UNC80: variants seen among roughly 807,000 people sequenced by gnomAD.
The protein encoded by UNC80 is unc-80 subunit of NALCN channel complex.
In UNC80, 164 loss-of-function variants were observed where a neutral mutation model predicts 384.6. That is an observed-to-expected ratio of 0.43 (90% CI 0.38 to 0.49). The LOEUF (loss-of-function observed/expected upper bound fraction) is 0.49. Among genes scored for constraint, UNC80 ranks in the 20% least tolerant of loss-of-function variants. The probability of loss-of-function intolerance (pLI) is 0.00; values close to 1 mark genes in which losing one functional copy is unlikely to be tolerated. For missense variants in UNC80, 3,330 were observed against 4,143.0 expected (o/e 0.80, Z 5.39); for synonymous variants, 1,486 against 1,527.8 (o/e 0.97, Z 0.64).
chr2:209,943,435 G>T lies in UNC80; in HGVS notation c.6971G>T (p.Cys2324Phe). Residue 2324 changes from cysteine (C) to phenylalanine (F), a missense_variant, in exon 45 of 65, where the codon TGT becomes TTT. Physicochemically the swap from Cys to Phe is radical, Grantham distance 205. This residue lies in a region of UNC80 where 1,049 missense variants were observed against 1,488.6 expected (regional missense o/e 0.70). Coordinates refer to ENST00000673920, the MANE Select transcript of UNC80 (RefSeq NM_001371986.1). Reference protein sequence around the residue: ...PQLRQAIEFACHQFYILHRKP... With the variant: ...PQLRQAIEFAFHQFYILHRKP... ...CTGCGTCAAGCCATCGAATTTGCCT[G>T]TCACCAGTTCTATATTCTACACCGG... The T allele has an allele frequency of 1.3e-6, 2 of 1,552,128 alleles. No homozygotes were observed. The highest frequency in any genetic ancestry group is 1.7e-6 in the Non-Finnish European group (2 of 1,147,070).
chr2:209,777,869 G>A (rs1304193589), intron 4 of UNC80, among the ~76,000 whole-genome samples: 1 of 152,152 alleles, frequency 6.6e-6, no homozygotes, highest in Admixed American at 6.5e-5. Context: ...TTTATAGACT[G>A]TTGGTCCCTA....
chr2:209,835,496 T>C lies in UNC80; in HGVS notation c.3041+486T>C, dbSNP rs182128632. Among the ~76,000 whole-genome samples the C allele has an allele frequency of 7.0e-3, 1,063 of 152,348 alleles. 3 individuals carry two copies. The highest frequency in any genetic ancestry group is 0.01 in the Non-Finnish European group (705 of 68,030). On this transcript the variant is annotated intron_variant, in intron 18 of 64. Transcript: ENST00000673920. ...TACCTTGGTCCTCTCTTGAGATCCATTCCAGTGTCCTCCGACATCAGTTAA... is the reference window on the plus strand; with the variant it reads ...TACCTTGGTCCTCTCTTGAGATCCACTCCAGTGTCCTCCGACATCAGTTAA...
chr2:209,894,484 A>G (rs2124916046), intron 27 of UNC80, 118 bp downstream of exon 27: 1 of 493,094 alleles, frequency 2.0e-6, no homozygotes, highest in Non-Finnish European at 2.6e-6. Context: ...GAGCCATAGG[A>G]TAGACAACCT....
chr2:209,896,495 A>C (rs1274534377), intron 28 of UNC80, 82 bp downstream of exon 28: 1 of 1,131,972 alleles, frequency 8.8e-7, no homozygotes, highest in Non-Finnish European at 1.3e-6. Flanking sequence ...ACAAGAGATT[A>C]TACTAAATCA....
At chr2:209,862,227 A>G (rs543858627) in intron 22 of UNC80, among the ~76,000 whole-genome samples, 6 of 152,314 alleles carry the variant, frequency 3.9e-5, no homozygotes, top group African/African-American at 1.4e-4. Context: ...ATATTCTGGT[A>G]CATTGTCTCT....
rs1280225364 is a variant in UNC80, at chr2:209,972,231, G to A, written c.8287G>A (p.Val2763Met). 3.2e-6 allele frequency: 5 copies of A among 1,551,380 alleles called. No homozygotes were observed. The highest frequency in any genetic ancestry group is 4.4e-6 in the Non-Finnish European group (5 of 1,146,856). The change falls in exon 55 of 65, where the codon GTG (valine) becomes ATG (methionine). Residue 2763 changes from valine to methionine, a missense_variant. Around this residue, in one of 8 missense-constraint regions of UNC80, gnomAD observed 1,049 missense variants for 1,488.6 expected, o/e 0.70. Coordinates refer to ENST00000673920, the MANE Select transcript of UNC80 (RefSeq NM_001371986.1). Reference protein sequence around the residue: ...ALKEDFPLSHVISPFTNQERR... With the variant: ...ALKEDFPLSHMISPFTNQERR... ...AAAAGAAGATTTTCCTTTAAGCCATGTGATCTCCCCATTCACCAATCAAGA... is the reference window on the plus strand; with the variant it reads ...AAAAGAAGATTTTCCTTTAAGCCATATGATCTCCCCATTCACCAATCAAGA...
At chr2:209,986,131 C>T (rs774102607) in intron 61 of UNC80, among the ~76,000 whole-genome samples, 36 of 152,256 alleles carry the variant, frequency 2.4e-4, no homozygotes, top group Non-Finnish European at 3.8e-4. Context: ...AAGAGGGCTT[C>T]CCTTTATTCA....
intron 49 of UNC80, among the ~76,000 whole-genome samples, chr2:209,958,344 G>C (rs1156817339): frequency 6.6e-6 from 1 of 152,084 alleles, no homozygotes; most frequent in East Asian, 1.9e-4. Context: ...ATTTAAGATA[G>C]GGCAAACCCA....
chr2:209,904,593 C>G (rs145934306), intron 28 of UNC80, among the ~76,000 whole-genome samples, 172 bp from the exon 29 acceptor site: 1 of 152,154 alleles, frequency 6.6e-6, no homozygotes, highest in African/African-American at 2.4e-5. Context: ...GAACAAAAGG[C>G]CATGTGGATA....
At chr2:209,980,116 C>T (rs1006507963) in intron 59 of UNC80, among the ~76,000 whole-genome samples, 1 of 151,930 alleles carries the variant, frequency 6.6e-6, no homozygotes, top group Non-Finnish European at 1.5e-5. Context: ...TGAAAATACA[C>T]CTAAAGTTGT....
chr2:209,927,205 A>G (rs914401245), intron 36 of UNC80, among the ~76,000 whole-genome samples: 3 of 152,180 alleles, frequency 2.0e-5, no homozygotes, highest in African/African-American at 7.2e-5. Flanking sequence ...CATTTAAAAT[A>G]GGTAATTGGG....
rs1382559797 is a variant in UNC80 at position 209,972,921 on chromosome 2, G to A, written c.8381-143G>A. The A allele has an allele frequency of 8.5e-6, 6 of 708,984 alleles. No homozygotes were observed. The Admixed American group carries it at 1.7e-4, about 20-fold the overall frequency. The allele number at this position is 708,984 out of a possible 1,614,324, so 43.9% of individuals were successfully genotyped here. ...AACACTGTTTCTGTCCATTGGTGAA[G>A]CTGTACTTGATGGGAAACACCTGAA... On this transcript the variant is annotated intron_variant, in intron 55 of 64. Coordinates refer to ENST00000673920, the MANE Select transcript of UNC80 (RefSeq NM_001371986.1).
At chr2:209,826,657 T>C (rs2080545009) in intron 14 of UNC80, among the ~76,000 whole-genome samples, 1 of 152,210 alleles carries the variant, frequency 6.6e-6, no homozygotes, top group South Asian at 2.1e-4. Context: ...AACGTAATTC[T>C]GTACTGGAAA....
At chr2:209,987,228 G>A (rs2093307454) in intron 61 of UNC80, among the ~76,000 whole-genome samples, 1 of 152,060 alleles carries the variant, frequency 6.6e-6, no homozygotes, top group African/African-American at 2.4e-5. Flanking sequence ...GGCTAAATAA[G>A]GAAGAGACCA....
chr2:209,959,860 C>T (rs888332979), intron 51 of UNC80, among the ~76,000 whole-genome samples, 153 bp downstream of exon 51: 1 of 152,082 alleles, frequency 6.6e-6, no homozygotes, highest in African/African-American at 2.4e-5. Flanking sequence ...CATACAGAAC[C>T]CTCTGCTAAA....
intron 29 of UNC80, 46 bp downstream of exon 29, chr2:209,905,011 T>C (rs140978190): frequency 2.0e-6 from 3 of 1,535,358 alleles, no homozygotes; most frequent in East Asian, 4.9e-5. Flanking sequence ...AGAAACATGA[T>C]GTCATAACAA....
chr2:209,893,872 T>C (rs1290940503), intron 26 of UNC80, among the ~76,000 whole-genome samples: 1 of 152,212 alleles, frequency 6.6e-6, no homozygotes, highest in Non-Finnish European at 1.5e-5. Flanking sequence ...AAAAGTGTAC[T>C]AATAGTCCTA....
intron 31 of UNC80, among the ~76,000 whole-genome samples, 164 bp downstream of exon 31, chr2:209,914,104 C>A (rs193168391): frequency 6.6e-6 from 1 of 152,226 alleles, no homozygotes; most frequent in East Asian, 1.9e-4. Flanking sequence ...GAAGGTAGAC[C>A]CAGGGTTTGT....
At chr2:209,922,196 A>C in intron 34 of UNC80, 56 bp from the exon 35 acceptor site, 2 of 1,537,940 alleles carry the variant, frequency 1.3e-6, no homozygotes, top group Non-Finnish European at 1.8e-6. Flanking sequence ...ACAATGTGAT[A>C]ATAATAACTC....
Sources: allele counts gnomAD v4.1 joint callset (sites outside exome capture counted in the v4.1 genomes callset), GRCh38; gene constraint gnomAD v4.1.1; regional missense constraint gnomAD v4.1.1; transcripts MANE v1.5; gene names NCBI Gene and HGNC (gene_info 2026-07-23, HGNC 2026-07-21).